MSRB3: variants seen among roughly 807,000 people sequenced by gnomAD.
MSRB3 encodes methionine-R-sulfoxide reductase B3.
MSRB3 carries 13 observed loss-of-function variants against 21.0 expected under a neutral mutation model. The observed-to-expected ratio is 0.62, with a 90% confidence interval of 0.40 to 0.98. The LOEUF (loss-of-function observed/expected upper bound fraction) is 0.98. Ranked by LOEUF, MSRB3 falls within the 50% of genes least tolerant of loss-of-function variation. The pLI, the probability that MSRB3 is intolerant of heterozygous loss-of-function variation, is 0.00. For synonymous variants in MSRB3, 87 were observed against 88.6 expected, an observed-to-expected ratio of 0.98 and a Z score of 0.10; for missense variants, 199 against 230.3, an observed-to-expected ratio of 0.86 and a Z score of 0.88.
chr12:65,393,492 G>C (rs1565870528), intron 5 of MSRB3, among the ~76,000 whole-genome samples: 1 of 152,076 alleles, frequency 6.6e-6, no homozygotes, highest in African/African-American at 2.4e-5. Flanking sequence ...AATTAGCCAG[G>C]CATGGTGGTG....
chr12:65,430,725 C>G (rs1022942030), intron 5 of MSRB3, among the ~76,000 whole-genome samples: 11 of 152,038 alleles, frequency 7.2e-5, no homozygotes, highest in Non-Finnish European at 1.5e-4. Context: ...TAGCTTCTTT[C>G]AAATTGTATT....
At chr12:65,324,767 C>T (rs1874905645) in intron 2 of MSRB3, among the ~76,000 whole-genome samples, 2 of 152,190 alleles carry the variant, frequency 1.3e-5, no homozygotes, top group Middle Eastern at 6.3e-3. Context: ...GGCAGAAAAG[C>T]ATCCAATGTT....
intron 5 of MSRB3, among the ~76,000 whole-genome samples, chr12:65,452,776 G>C (rs957270320): frequency 6.6e-6 from 1 of 152,126 alleles, no homozygotes; most frequent in African/African-American, 2.4e-5. Context: ...CAAAGCACCA[G>C]GTTCTTAACG....
chr12:65,374,401 T>C (rs1878486595), intron 5 of MSRB3, among the ~76,000 whole-genome samples: 1 of 152,200 alleles, frequency 6.6e-6, no homozygotes, highest in Non-Finnish European at 1.5e-5. Flanking sequence ...CCTTCTGTCA[T>C]GGAATCTTAT....
intron 4 of MSRB3, among the ~76,000 whole-genome samples, chr12:65,350,551 T>C (rs987394128): frequency 4.0e-5 from 6 of 151,174 alleles, no homozygotes; most frequent in African/African-American, 1.5e-4. Context: ...ATCAGTGTGC[T>C]GTATTCAGGA....
At chr12:65,331,897 A>G (rs572894116) in intron 4 of MSRB3, among the ~76,000 whole-genome samples, 33 of 152,368 alleles carry the variant, frequency 2.2e-4, no homozygotes, top group African/African-American at 7.7e-4. Flanking sequence ...GAGAAACTGC[A>G]TGGGCTGTGG....
At chr12:65,406,770 T>C (rs1014040216) in intron 5 of MSRB3, among the ~76,000 whole-genome samples, 1 of 152,184 alleles carries the variant, frequency 6.6e-6, no homozygotes, top group African/African-American at 2.4e-5. Context: ...TGCCATAATG[T>C]TAAGAGCTGG....
chr12:65,460,307 A>G (rs1592657808), intron 6 of MSRB3, among the ~76,000 whole-genome samples: 1 of 152,328 alleles, frequency 6.6e-6, no homozygotes, highest in Non-Finnish European at 1.5e-5. Flanking sequence ...CCAAGGCTAG[A>G]AGCTGCAAAG....
At chr12:65,317,686 T>A (rs530618212) in intron 2 of MSRB3, among the ~76,000 whole-genome samples, 1 of 152,290 alleles carries the variant, frequency 6.6e-6, no homozygotes, top group African/African-American at 2.4e-5. Context: ...TGTGAAACCC[T>A]AGAGAGGTAA....
intron 2 of MSRB3, among the ~76,000 whole-genome samples, chr12:65,323,136 C>G (rs1294845829): frequency 6.6e-6 from 1 of 152,268 alleles, no homozygotes; most frequent in South Asian, 2.1e-4. Context: ...ATCCTTATAG[C>G]AGATCTTTGA....
At chr12:65,437,087 C>T (rs534324641) in intron 5 of MSRB3, among the ~76,000 whole-genome samples, 63 of 151,914 alleles carry the variant, frequency 4.1e-4, no homozygotes, top group Non-Finnish European at 7.7e-4. Context: ...ACTTTCTATT[C>T]CAGTTTTTCT....
intron 4 of MSRB3, among the ~76,000 whole-genome samples, chr12:65,352,926 G>T (rs1274426463): frequency 6.6e-6 from 1 of 151,658 alleles, no homozygotes; most frequent in Non-Finnish European, 1.5e-5. Flanking sequence ...TCCCCATAAA[G>T]CTACCAATGA....
chr12:65,292,184 C>G (rs1486154035), intron 1 of MSRB3, among the ~76,000 whole-genome samples: 1 of 152,172 alleles, frequency 6.6e-6, no homozygotes, highest in Non-Finnish European at 1.5e-5. Context: ...GTCTTCCTGA[C>G]TTCAGAGCGT....
intron 5 of MSRB3, among the ~76,000 whole-genome samples, chr12:65,412,994 G>C (rs114050089): frequency 0.016 from 2,372 of 152,260 alleles, 67 homozygotes; most frequent in African/African-American, 0.054. Context: ...CCACGATTCA[G>C]TTAACTCCAT....
chr12:65,325,936 G>T (rs973230957), intron 2 of MSRB3, among the ~76,000 whole-genome samples: 1 of 152,176 alleles, frequency 6.6e-6, no homozygotes, highest in Non-Finnish European at 1.5e-5. Flanking sequence ...ACTGCAGGCT[G>T]TATAGGTTGA....
At chr12:65,381,591 C>G (rs1279875573) in intron 5 of MSRB3, among the ~76,000 whole-genome samples, 1 of 152,006 alleles carries the variant, frequency 6.6e-6, no homozygotes, top group Non-Finnish European at 1.5e-5. Context: ...TAGTAAAAAT[C>G]CTTTAAAATG....
At chr12:65,419,311 A>G (rs1389569623) in intron 5 of MSRB3, 3 of 754,708 alleles carry the variant, frequency 4.0e-6, no homozygotes, top group Non-Finnish European at 7.3e-6. Context: ...GGGGGCATCT[A>G]CCTCCAAGAT....
chr12:65,352,084 A>T (rs1438270185), intron 4 of MSRB3, among the ~76,000 whole-genome samples: 1 of 152,106 alleles, frequency 6.6e-6, no homozygotes, highest in Non-Finnish European at 1.5e-5. Flanking sequence ...GGCAAAACGA[A>T]TCCAGCAGCA....
chr12:65,358,318 G>A (rs569887614), intron 4 of MSRB3, among the ~76,000 whole-genome samples: 427 of 151,508 alleles, frequency 2.8e-3, no homozygotes, highest in African/African-American at 9.7e-3. Context: ...AGGGGGTCTC[G>A]CTATGTTGCC....
Sources: allele counts gnomAD v4.1 joint callset (sites outside exome capture counted in the v4.1 genomes callset), GRCh38; gene constraint gnomAD v4.1.1; transcripts MANE v1.5; gene names NCBI Gene and HGNC (gene_info 2026-07-23, HGNC 2026-07-21).